NOVA1: variants seen among roughly 807,000 people sequenced by gnomAD.
NOVA1 encodes NOVA alternative splicing regulator 1.
In NOVA1, 7 loss-of-function variants were observed where a neutral mutation model predicts 38.0. The ratio of observed to expected loss-of-function variants is 0.18; its 90% CI spans 0.10 to 0.35. The LOEUF (loss-of-function observed/expected upper bound fraction) is 0.35. Ranked by LOEUF, NOVA1 falls within the 10% of genes least tolerant of loss-of-function variation. The probability of loss-of-function intolerance (pLI) is 1.00; values close to 1 mark genes in which losing one functional copy is unlikely to be tolerated. For synonymous variants in NOVA1, 270 were observed against 232.5 expected (o/e 1.16, Z -1.47); for missense variants, 460 against 616.0 (o/e 0.75, Z 2.68).
intron 2 of NOVA1, among the ~76,000 whole-genome samples, chr14:26,486,283 G>A (rs1190068306): frequency 1.3e-5 from 2 of 151,640 alleles, no homozygotes; most frequent in Non-Finnish European, 2.9e-5. Flanking sequence ...TCCTCTTTTT[G>A]CCACTTATTT....
At chr14:26,461,808 C>T (rs1430154592) in intron 4 of NOVA1, among the ~76,000 whole-genome samples, 2 of 149,780 alleles carry the variant, frequency 1.3e-5, no homozygotes, top group Non-Finnish European at 3.0e-5. Context: ...TGCATGGTGG[C>T]TCATGCCTGT....
At chr14:26,535,684 G>T (rs762568351) in intron 2 of NOVA1, among the ~76,000 whole-genome samples, 1 of 152,146 alleles carries the variant, frequency 6.6e-6, no homozygotes, top group Non-Finnish European at 1.5e-5. Flanking sequence ...TAGGCCGGGC[G>T]TGGTGGCTCA....
At chr14:26,505,703 A>G (rs1268693798) in intron 2 of NOVA1, among the ~76,000 whole-genome samples, 1 of 152,174 alleles carries the variant, frequency 6.6e-6, no homozygotes, top group Non-Finnish European at 1.5e-5. Flanking sequence ...TGTTAAAATT[A>G]TCTCTGAATG....
At position 26,443,761 on chromosome 14, in the gene NOVA1, C is replaced by T. The variant is rs1267940292; in HGVS notation, c.*4198G>A. On this transcript the variant is annotated 3_prime_UTR_variant, in exon 5 of 5. Transcript: ENST00000539517. Reference sequence around the variant, plus strand: ...GTTCATCCTGTTTTCTAATCATGTGCAATTTTGTATGGCTGTTTGCCTCAG... The same window carrying T: ...GTTCATCCTGTTTTCTAATCATGTGTAATTTTGTATGGCTGTTTGCCTCAG... 1 of 151,800 alleles carries T rather than the reference C, an allele frequency of 6.6e-6. No homozygotes were observed. Among genetic ancestry groups the T allele is most frequent in the Non-Finnish European group, 1.5e-5 (1 of 67,816 alleles). The allele number at this position is 151,800 out of a possible 1,614,324, so 9.4% of individuals were successfully genotyped here.
intron 2 of NOVA1, among the ~76,000 whole-genome samples, chr14:26,534,786 A>C (rs1416859230): frequency 6.6e-6 from 1 of 152,114 alleles, no homozygotes; most frequent in African/African-American, 2.4e-5. Flanking sequence ...GTGAGCCCTA[A>C]ATATAATCAC....
intron 2 of NOVA1, among the ~76,000 whole-genome samples, chr14:26,579,103 G>T (rs1893052121): frequency 8.3e-6 from 1 of 120,396 alleles, no homozygotes; most frequent in Admixed American, 1.2e-4. Flanking sequence ...CTGTTGCCAG[G>T]CTGGAGTGCA....
chr14:26,481,537 A>G (rs1885449488), intron 2 of NOVA1, among the ~76,000 whole-genome samples: 1 of 152,090 alleles, frequency 6.6e-6, no homozygotes, highest in Non-Finnish European at 1.5e-5. Flanking sequence ...AGATATACCT[A>G]AATAAAATTG....
intron 1 of NOVA1, chr14:26,596,793 T>G: frequency 8.5e-7 from 1 of 1,170,388 alleles, no homozygotes; most frequent in South Asian, 1.6e-5. Context: ...CTCATCAAGA[T>G]TTTGCATACT....
chr14:26,569,412 T>C (rs1892336814), intron 2 of NOVA1, among the ~76,000 whole-genome samples: 1 of 152,210 alleles, frequency 6.6e-6, no homozygotes, highest in Admixed American at 6.5e-5. Context: ...AGCAGCAAAT[T>C]TGAATTATTT....
At chr14:26,547,005 G>A (rs1328453047) in intron 2 of NOVA1, among the ~76,000 whole-genome samples, 4 of 151,952 alleles carry the variant, frequency 2.6e-5, no homozygotes, top group Non-Finnish European at 5.9e-5. Context: ...GGGATACAGC[G>A]AGACTCCATC....
chr14:26,492,326 TC>T (rs1240807887), intron 2 of NOVA1, among the ~76,000 whole-genome samples: 1 of 152,192 alleles, frequency 6.6e-6, no homozygotes, highest in African/African-American at 2.4e-5. Context: ...TGGTACTTCT[TC>T]CTTTCCAATT....
chr14:26,560,751 G>A (rs909285457), intron 2 of NOVA1, among the ~76,000 whole-genome samples: 2 of 151,992 alleles, frequency 1.3e-5, no homozygotes, highest in Non-Finnish European at 2.9e-5. Flanking sequence ...CACACAATGT[G>A]GGCAAATTAA....
chr14:26,575,675 G>A (rs1892795844), intron 2 of NOVA1, among the ~76,000 whole-genome samples: 2 of 151,806 alleles, frequency 1.3e-5, no homozygotes. Flanking sequence ...GATTTATTTT[G>A]TCTTATTCTG....
At chr14:26,531,516 A>C (rs1410269171) in intron 2 of NOVA1, among the ~76,000 whole-genome samples, 1 of 152,152 alleles carries the variant, frequency 6.6e-6, no homozygotes, top group Non-Finnish European at 1.5e-5. Context: ...CTGAGACAGG[A>C]GAATTGCTTG....
rs959006147 is a variant in NOVA1 at position 26,446,925 on chromosome 14, A to G, written c.*1034T>C. The G allele has an allele frequency of 6.5e-6, 1 of 152,678 alleles. No homozygotes were observed. Among genetic ancestry groups the G allele is most frequent in the East Asian group, 1.9e-4 (1 of 5,192 alleles). 9.5% of individuals were successfully genotyped at this position (152,678 alleles called of 1,614,324 possible). A position where few individuals can be genotyped will look rare whatever the true frequency, so the allele number is the denominator to read the frequency against. ...GCTAGCGCCATGCTGCAAAGACTCC[A>G]TCATGGGAGCAAACAGCTAAATCAC... On this transcript the variant is annotated 3_prime_UTR_variant, in exon 5 of 5. Transcript: ENST00000539517.
intron 4 of NOVA1, chr14:26,470,082 A>T: frequency 2.1e-6 from 1 of 483,626 alleles, no homozygotes; most frequent in Non-Finnish European, 2.8e-6. Context: ...AAGTATTTTT[A>T]AATATTGGAA....
chr14:26,500,388 CAG>C (rs1887163341), intron 2 of NOVA1, among the ~76,000 whole-genome samples: 1 of 151,896 alleles, frequency 6.6e-6, no homozygotes, highest in Non-Finnish European at 1.5e-5. Context: ...CACACTTAAC[CAG>C]AGTTCTAAAT....
At chr14:26,491,858 A>G (rs994404074) in intron 2 of NOVA1, among the ~76,000 whole-genome samples, 3 of 152,202 alleles carry the variant, frequency 2.0e-5, no homozygotes, top group Non-Finnish European at 4.4e-5. Context: ...TTTTGAAGTC[A>G]GGAAGTGTGA....
intron 2 of NOVA1, among the ~76,000 whole-genome samples, chr14:26,485,016 A>C (rs1366451224): frequency 6.6e-6 from 1 of 152,182 alleles, no homozygotes; most frequent in Non-Finnish European, 1.5e-5. Context: ...GACACTATAC[A>C]TAAGAGAAAT....
Sources: allele counts gnomAD v4.1 joint callset (sites outside exome capture counted in the v4.1 genomes callset), GRCh38; gene constraint gnomAD v4.1.1; transcripts MANE v1.5; gene names NCBI Gene and HGNC (gene_info 2026-07-23, HGNC 2026-07-21).